The following MAP3K20 variants were observed in gnomAD, a reference collection of about 807,000 sequenced individuals.
The protein encoded by MAP3K20 is mitogen-activated protein kinase kinase kinase 20, also known as HCCS-4.
A neutral mutation model predicts 85.7 loss-of-function variants in MAP3K20; 40 were observed. The observed-to-expected ratio is 0.47, with a 90% CI of 0.36 to 0.61. The LOEUF is 0.61. Among genes scored for constraint, MAP3K20 ranks in the 20% least tolerant of loss-of-function variants. The probability of loss-of-function intolerance (pLI) is 0.00; values close to 1 mark genes in which losing one functional copy is unlikely to be tolerated. For synonymous variants in MAP3K20, 325 were observed against 327.7 expected (o/e 0.99, Z 0.09); for missense variants, 817 against 961.7 (o/e 0.85, Z 1.99).
chr2:173,087,430 A>G (rs904200437), intron 1 of MAP3K20, among the ~76,000 whole-genome samples: 29 of 152,342 alleles, frequency 1.9e-4, no homozygotes, highest in African/African-American at 6.7e-4. Flanking sequence ...GGGAAATGAG[A>G]TGACATGAAG....
intron 2 of MAP3K20, among the ~76,000 whole-genome samples, chr2:173,124,393 A>T (rs1335983769): frequency 6.6e-6 from 1 of 152,114 alleles, no homozygotes; most frequent in Non-Finnish European, 1.5e-5. Flanking sequence ...GAAGGAGCAG[A>T]TTGGAAGAGG....
At chr2:173,156,287 CTG>C (rs1260726650) in intron 2 of MAP3K20, among the ~76,000 whole-genome samples, 4 of 152,198 alleles carry the variant, frequency 2.6e-5, no homozygotes, top group African/African-American at 9.7e-5. Context: ...TTTTGGATCT[CTG>C]TTTCTTTTAG....
intron 15 of MAP3K20, among the ~76,000 whole-genome samples, 155 bp from the exon 16 acceptor site, chr2:173,239,249 T>C (rs112897797): frequency 3.9e-5 from 6 of 152,100 alleles, no homozygotes; most frequent in African/African-American, 1.4e-4. Flanking sequence ...TTTCTGTTGG[T>C]TGATGTAATT....
chr2:173,087,062 A>G (rs148732460), intron 1 of MAP3K20, among the ~76,000 whole-genome samples: 3 of 152,382 alleles, frequency 2.0e-5, no homozygotes, highest in African/African-American at 7.2e-5. Context: ...AAGAATAACC[A>G]GAAGCTATTT....
At chr2:173,088,383 C>T (rs114199777) in intron 1 of MAP3K20, among the ~76,000 whole-genome samples, 2,365 of 152,282 alleles carry the variant, frequency 0.016, 59 homozygotes, top group African/African-American at 0.054. Flanking sequence ...GCCATGCTTG[C>T]ATGCATGGAG....
At chr2:173,185,928 T>G (rs1297805918) in intron 4 of MAP3K20, among the ~76,000 whole-genome samples, 2 of 152,236 alleles carry the variant, frequency 1.3e-5, no homozygotes, top group African/African-American at 2.4e-5. Context: ...AAACCCTGAA[T>G]GTACACCTGA....
At chr2:173,243,772 C>T (rs1439475378) in intron 16 of MAP3K20, among the ~76,000 whole-genome samples, 3 of 152,262 alleles carry the variant, frequency 2.0e-5, no homozygotes, top group Admixed American at 6.5e-5. Context: ...TACAGGCTCC[C>T]GCCACCACGC....
intron 2 of MAP3K20, among the ~76,000 whole-genome samples, chr2:173,092,187 C>T (rs1327334231): frequency 6.6e-6 from 1 of 152,116 alleles, no homozygotes; most frequent in Non-Finnish European, 1.5e-5. Context: ...GCTGTGTTTC[C>T]AATTGTTGAA....
intron 2 of MAP3K20, among the ~76,000 whole-genome samples, chr2:173,096,048 C>A (rs533521560): frequency 1.3e-5 from 2 of 152,206 alleles, no homozygotes; most frequent in East Asian, 3.9e-4. Context: ...AATATAAATA[C>A]TTGCGTTATA....
At position 173,258,656 on chromosome 2, in the gene MAP3K20, T is replaced by C. The variant is rs184691912; in HGVS notation, c.1360-43T>C. On this transcript the variant is annotated intron_variant, in intron 16 of 19. Transcript: ENST00000375213. ...GAAATATTGAGACTAAAAAAAAAAT[T>C]GTTTCACTTTCTCAAATTCTGTAAT... is the stretch of plus-strand genomic sequence containing the variant. The C allele has an allele frequency of 8.1e-4, 977 of 1,210,070 alleles. 1 individual carries two copies. The highest frequency in any genetic ancestry group is 9.9e-4 in the Admixed American group (52 of 52,576). The allele number at this position is 1,210,070 out of a possible 1,614,324, so 75.0% of individuals were successfully genotyped here.
chr2:173,204,300 A>G (rs1209756896), intron 9 of MAP3K20, among the ~76,000 whole-genome samples: 1 of 152,232 alleles, frequency 6.6e-6, no homozygotes, highest in Non-Finnish European at 1.5e-5. Context: ...TGAAGAACCA[A>G]GACATACAGA....
intron 11 of MAP3K20, among the ~76,000 whole-genome samples, chr2:173,220,004 G>A (rs1046441703): frequency 3.6e-4 from 53 of 147,334 alleles, no homozygotes; most frequent in Admixed American, 3.2e-3. Flanking sequence ...GAAGGCAGAG[G>A]TTGCAGTGAG....
chr2:173,237,642 T>C (rs1037728181), intron 14 of MAP3K20, among the ~76,000 whole-genome samples: 3 of 152,198 alleles, frequency 2.0e-5, no homozygotes, highest in African/African-American at 7.2e-5. Context: ...TTGTGTTTCA[T>C]TGGCAGAGGG....
chr2:173,089,589 CT>C (rs1021963603), intron 1 of MAP3K20, among the ~76,000 whole-genome samples: 52 of 127,740 alleles, frequency 4.1e-4, no homozygotes, highest in South Asian at 4.5e-4. Context: ...TCGTGTTTCC[CT>C]TTTTTTTTTT....
At chr2:173,236,639 G>A (rs1684658619) in intron 14 of MAP3K20, among the ~76,000 whole-genome samples, 1 of 152,162 alleles carries the variant, frequency 6.6e-6, no homozygotes, top group African/African-American at 2.4e-5. Context: ...ATGTAAGAAT[G>A]GCTACCCAGT....
intron 16 of MAP3K20, among the ~76,000 whole-genome samples, chr2:173,256,309 T>C (rs1685157148): frequency 6.6e-6 from 1 of 152,194 alleles, no homozygotes; most frequent in African/African-American, 2.4e-5. Context: ...TACATTAGCC[T>C]TAATCCTCAG....
At chr2:173,232,958 A>G (rs894477346) in intron 14 of MAP3K20, among the ~76,000 whole-genome samples, 1 of 152,194 alleles carries the variant, frequency 6.6e-6, no homozygotes, top group Non-Finnish European at 1.5e-5. Flanking sequence ...TTCCTTCCTC[A>G]TAATCCAAAC....
chr2:173,162,468 C>T (rs1172538079), intron 2 of MAP3K20, among the ~76,000 whole-genome samples: 1 of 151,984 alleles, frequency 6.6e-6, no homozygotes, highest in Non-Finnish European at 1.5e-5. Flanking sequence ...GGCGGCTCAC[C>T]TGAGGTCAGG....
At chr2:173,122,925 G>A (rs933896164) in intron 2 of MAP3K20, among the ~76,000 whole-genome samples, 11 of 152,160 alleles carry the variant, frequency 7.2e-5, no homozygotes, top group African/African-American at 2.7e-4. Context: ...ATCTCCTGCG[G>A]TCTTACTGGT....
Sources: allele counts gnomAD v4.1 joint callset (sites outside exome capture counted in the v4.1 genomes callset), GRCh38; gene constraint gnomAD v4.1.1; transcripts MANE v1.5; gene names NCBI Gene and HGNC (gene_info 2026-07-23, HGNC 2026-07-21).